The following SLC35F3 variants were observed in gnomAD, a reference collection of about 807,000 sequenced individuals.
The protein encoded by SLC35F3 is solute carrier family 35 member F3.
A neutral mutation model predicts 49.9 loss-of-function variants in SLC35F3; 25 were observed. The observed-to-expected ratio is 0.50, with a 90% CI of 0.37 to 0.70. The LOEUF is 0.70. Among genes scored for constraint, SLC35F3 ranks in the 30% least tolerant of loss-of-function variants. The pLI is 0.00. For missense variants in SLC35F3, 525 were observed against 639.8 expected, an observed-to-expected ratio of 0.82 and a Z score of 1.94; for synonymous variants, 275 against 265.4, an observed-to-expected ratio of 1.04 and a Z score of -0.35.
intron 3 of SLC35F3, among the ~76,000 whole-genome samples, chr1:234,275,580 T>C (rs1225064029): frequency 6.6e-6 from 1 of 150,614 alleles, no homozygotes; most frequent in African/African-American, 2.5e-5. Context: ...GGTAGTTAGG[T>C]AGGTAGATAG....
chr1:234,174,679 A>C (rs1666449395), intron 2 of SLC35F3, among the ~76,000 whole-genome samples: 1 of 152,230 alleles, frequency 6.6e-6, no homozygotes, highest in Non-Finnish European at 1.5e-5. Flanking sequence ...TCCCAACCAG[A>C]GATCCGGCAG....
At chr1:234,021,266 A>C (rs1238615919) in intron 2 of SLC35F3, among the ~76,000 whole-genome samples, 1 of 152,152 alleles carries the variant, frequency 6.6e-6, no homozygotes, top group African/African-American at 2.4e-5. Context: ...GTGGTCTTGA[A>C]GCTGGGCAGT....
chr1:234,309,589 G>A (rs2102994094), intron 4 of SLC35F3, among the ~76,000 whole-genome samples: 1 of 152,370 alleles, frequency 6.6e-6, no homozygotes, highest in Middle Eastern at 3.4e-3. Flanking sequence ...GTGTGTGCCA[G>A]TCGGGGACCC....
At chr1:234,172,587 G>A (rs1393108873) in intron 2 of SLC35F3, among the ~76,000 whole-genome samples, 2 of 152,158 alleles carry the variant, frequency 1.3e-5, no homozygotes, top group East Asian at 1.9e-4. Context: ...TCTGAGAAAC[G>A]CATCTCTAGG....
At chr1:234,000,368 G>A (rs993507589) in intron 2 of SLC35F3, among the ~76,000 whole-genome samples, 1 of 152,148 alleles carries the variant, frequency 6.6e-6, no homozygotes, top group Non-Finnish European at 1.5e-5. Context: ...CATGAAAATA[G>A]TTTACCTTTG....
rs1657706490 is a variant in SLC35F3 at position 234,324,478 on chromosome 1, G to A, written c.*1235G>A. On this transcript the variant is annotated 3_prime_UTR_variant, in exon 8 of 8. Transcript: ENST00000366618. ...TATTCTCAGTTTCCATTACCTGTTT[G>A]GCCAAACAGATTAATAAAATATTTG... is the stretch of plus-strand genomic sequence containing the variant. 6.6e-6 allele frequency: 1 copy of A among 152,050 alleles called. No individual in the cohort carries two copies. The highest frequency in any genetic ancestry group is 2.4e-5 in the African/African-American group (1 of 41,380). The allele number at this position is 152,050 out of a possible 1,614,324, so 9.4% of individuals were successfully genotyped here. A position where few individuals can be genotyped will look rare whatever the true frequency, so the allele number is the denominator to read the frequency against.
rs915219391 is a variant in SLC35F3 at position 233,951,452 on chromosome 1, T to TA, written c.283+45704dup. Among the ~76,000 whole-genome samples, 55 of 150,196 alleles carry TA rather than the reference T, an allele frequency of 3.7e-4. No individual in the cohort carries two copies. The South Asian group carries it at 4.9e-3, about 13-fold the overall frequency. On this transcript the variant is annotated intron_variant, in intron 2 of 7. Coordinates refer to ENST00000366618, the MANE Select transcript of SLC35F3 (RefSeq NM_173508.4). ...TGCCCTCTACAGGTGTACCTTTCTT[T>TA]AAAAAAAAAATCCATTATACCATAT...
chr1:234,009,974 G>T (rs897670672), intron 2 of SLC35F3, among the ~76,000 whole-genome samples: 7 of 152,118 alleles, frequency 4.6e-5, no homozygotes, highest in Non-Finnish European at 1.0e-4. Context: ...ATTGCTAAAG[G>T]GAGTTCTTCA....
In SLC35F3 at chr1:234,145,806, C is replaced by A. The variant is rs1324911654; in HGVS notation, c.284-85611C>A. 2.0e-5 allele frequency among the ~76,000 whole-genome samples: 3 copies of A among 152,230 alleles called. No homozygotes were observed. The East Asian group carries it at 5.8e-4, about 29-fold the overall frequency. ...ATCCTCAGTGGGTCCTGGAACCAAT[C>A]CCCCAGGGATACCATGGGACAAGTG... On this transcript the variant is annotated intron_variant, in intron 2 of 7. Coordinates refer to ENST00000366618, the MANE Select transcript of SLC35F3 (RefSeq NM_173508.4).
intron 2 of SLC35F3, among the ~76,000 whole-genome samples, chr1:233,906,128 G>C (rs928118948): frequency 6.6e-6 from 1 of 152,164 alleles, no homozygotes; most frequent in African/African-American, 2.4e-5. Context: ...CAGGGCCCTC[G>C]GTCAGGTCTC....
intron 2 of SLC35F3, among the ~76,000 whole-genome samples, chr1:234,032,612 G>A (rs1664081070): frequency 6.6e-6 from 1 of 152,148 alleles, no homozygotes; most frequent in South Asian, 2.1e-4. Flanking sequence ...ACAATGTTTG[G>A]TTTTCCATTC....
In SLC35F3 at chr1:234,214,455, T is replaced by C. The variant is rs770883945; in HGVS notation, c.284-16962T>C. On this transcript the variant is annotated intron_variant, in intron 2 of 7. Coordinates refer to ENST00000366618, the MANE Select transcript of SLC35F3 (RefSeq NM_173508.4). The surrounding 1 kb of genome is among the most constrained non-coding windows in gnomAD (Gnocchi z 8.0). The stretch of plus-strand genomic sequence containing the variant: ...AGACGCGCTCCAGCCGGCCCCAGGA[T>C]GTAGGCGATCGGCGGCAGCGCTCCT... 6.6e-7 allele frequency: 1 copy of C among 1,513,286 alleles called. No homozygotes were observed. The highest frequency in any genetic ancestry group is 1.8e-4 in the Middle Eastern group (1 of 5,550). The allele number at this position is 1,513,286 out of a possible 1,614,324, so 93.7% of individuals were successfully genotyped here.
chr1:234,247,404 CTGGTCCATTGTTTGGTGGGTTGGTTGGT>C (rs1667650911), intron 3 of SLC35F3, among the ~76,000 whole-genome samples: 6 of 150,548 alleles, frequency 4.0e-5, no homozygotes, highest in Admixed American at 2.0e-4. Flanking sequence ...GGTTGGTTGG[CTGGTCCATTGTTTGGTGGGTTGGTTGGT>C]TGGTCCATTG....
chr1:234,282,385 G>T (rs12041559), intron 3 of SLC35F3, among the ~76,000 whole-genome samples: 8,144 of 152,240 alleles, frequency 0.053, 269 homozygotes, highest in South Asian at 0.091. Context: ...GAAATTGGTG[G>T]TCTTCTCCCA....
At chr1:233,919,398 A>C (rs1419886841) in intron 2 of SLC35F3, among the ~76,000 whole-genome samples, 1 of 152,172 alleles carries the variant, frequency 6.6e-6, no homozygotes, top group Admixed American at 6.5e-5. Context: ...AGATATGCTC[A>C]TTGGTGTGTG....
intron 2 of SLC35F3, among the ~76,000 whole-genome samples, chr1:233,989,356 T>C (rs1663318358): frequency 6.6e-6 from 1 of 152,228 alleles, no homozygotes; most frequent in South Asian, 2.1e-4. Flanking sequence ...GTTTGTATTA[T>C]AGCAAAATCC....
At chr1:234,019,929 C>T (rs543477715) in intron 2 of SLC35F3, among the ~76,000 whole-genome samples, 51 of 152,306 alleles carry the variant, frequency 3.3e-4, no homozygotes, top group African/African-American at 1.2e-3. Context: ...GGTTGTTACT[C>T]AGTTGACACA....
At chr1:234,216,707 C>T (rs1040816231) in intron 2 of SLC35F3, among the ~76,000 whole-genome samples, 8 of 152,200 alleles carry the variant, frequency 5.3e-5, no homozygotes, top group African/African-American at 1.9e-4. Flanking sequence ...TGGGCCCTGC[C>T]CCTTTTCCAG....
Position 234,182,841 on chromosome 1 carries a change from G to A in SLC35F3, c.284-48576G>A, listed in dbSNP as rs538576795. On this transcript the variant is annotated intron_variant, in intron 2 of 7. Coordinates refer to ENST00000366618, the MANE Select transcript of SLC35F3 (RefSeq NM_173508.4). ...AATGAGATTGAGCATATAGTGAAGT[G>A]CTATTTGCATTTCTCTTCCTGTGAA... 4.0e-4 allele frequency among the ~76,000 whole-genome samples: 61 copies of A among 152,184 alleles called. No homozygotes were observed. The South Asian group carries it at 9.3e-3, about 23-fold the overall frequency.
Sources: gnomAD v4.1 joint callset for allele counts (sites outside exome capture counted in the v4.1 genomes callset) on GRCh38, gnomAD v4.1.1 for gene constraint, Gnocchi (gnomAD v3.1) non-coding constraint, MANE v1.5 for transcripts, NCBI Gene and HGNC (gene_info 2026-07-23, HGNC 2026-07-21) for gene names.